Variants in ZCCHC7 observed in about 807,000 individuals in gnomAD.
ZCCHC7 encodes zinc finger CCHC-type containing 7, also known as zinc finger CCHC domain-containing protein 7.
A neutral mutation model predicts 52.0 loss-of-function variants in ZCCHC7; 35 were observed. The observed-to-expected ratio is 0.67, with a 90% confidence interval of 0.51 to 0.89. The LOEUF is 0.89. Among genes scored for constraint, ZCCHC7 ranks in the 40% least tolerant of loss-of-function variants. The pLI is 0.00. For synonymous variants in ZCCHC7, 217 were observed against 221.5 expected (o/e 0.98, Z 0.18); for missense variants, 574 against 649.1 (o/e 0.88, Z 1.26).
At chr9:37,162,629 A>G (rs1489062201) in intron 2 of ZCCHC7, among the ~76,000 whole-genome samples, 3 of 152,240 alleles carry the variant, frequency 2.0e-5, no homozygotes, top group African/African-American at 7.2e-5. Flanking sequence ...TTATTGATGG[A>G]CATTTGAATT....
Position 37,354,092 on chromosome 9 carries a change from G to A in ZCCHC7, c.1084-618G>A, listed in dbSNP as rs1037479819. Among the ~76,000 whole-genome samples the A allele has an allele frequency of 3.9e-5, 6 of 152,184 alleles. No individual in the cohort carries two copies. Among genetic ancestry groups the A allele is most frequent in the East Asian group, 3.9e-4 (2 of 5,186 alleles). ...GAGTAGGGATTTCAACTTGGGTGGCGGAAGCAAGAAGAGAAACTTCTTTTG... is the reference window on the plus strand; with the variant it reads ...GAGTAGGGATTTCAACTTGGGTGGCAGAAGCAAGAAGAGAAACTTCTTTTG... On this transcript the variant is annotated intron_variant, in intron 7 of 8. Coordinates refer to ENST00000336755, the MANE Select transcript of ZCCHC7 (RefSeq NM_032226.3). The surrounding 1 kb of genome is among the most constrained non-coding windows in gnomAD (Gnocchi z 4.0).
At chr9:37,143,484 G>A (rs1403790892) in intron 2 of ZCCHC7, among the ~76,000 whole-genome samples, 2 of 150,910 alleles carry the variant, frequency 1.3e-5, no homozygotes, top group African/African-American at 4.9e-5. Flanking sequence ...TTTATGTCTC[G>A]GTGTTCTAGT....
intron 5 of ZCCHC7, among the ~76,000 whole-genome samples, chr9:37,306,745 G>A (rs1231829074): frequency 8.1e-6 from 1 of 123,042 alleles, no homozygotes; most frequent in African/African-American, 3.0e-5. Context: ...TTACAGGCAT[G>A]AGCCACTGTA....
chr9:37,138,699 ATTT>A (rs538339919), intron 2 of ZCCHC7, among the ~76,000 whole-genome samples: 1 of 134,038 alleles, frequency 7.5e-6, no homozygotes, highest in Admixed American at 7.5e-5. Context: ...ACAGGTTTGT[ATTT>A]TTTTTTTTTT....
rs202086751 is a variant in ZCCHC7, at chr9:37,349,341, A to G, written c.988-16A>G. On this transcript the variant is annotated splice_polypyrimidine_tract_variant and intron_variant, in intron 6 of 8. Transcript: ENST00000336755. Reference sequence around the variant, plus strand: ...CTTCTAACATCAACAAACCCTCACAAATATTCATGTTGCAGACCAAACCTG... The same window carrying G: ...CTTCTAACATCAACAAACCCTCACAGATATTCATGTTGCAGACCAAACCTG... The G allele has an allele frequency of 1.4e-4, 222 of 1,612,824 alleles. 3 individuals carry two copies. In the East Asian group the frequency reaches 3.1e-3, roughly 23 times the overall value.
At chr9:37,271,846 A>G (rs1398641883) in intron 2 of ZCCHC7, among the ~76,000 whole-genome samples, 1 of 152,198 alleles carries the variant, frequency 6.6e-6, no homozygotes, top group Non-Finnish European at 1.5e-5. Flanking sequence ...CTGGGATTAT[A>G]TGCGTGAGTC....
intron 2 of ZCCHC7, among the ~76,000 whole-genome samples, chr9:37,206,956 G>C (rs982972103): frequency 6.6e-6 from 1 of 150,668 alleles, no homozygotes; most frequent in Non-Finnish European, 1.5e-5. Flanking sequence ...TGAAACTGTA[G>C]TCTCTCCAAA....
chr9:37,284,801 T>C (rs1230704419), intron 2 of ZCCHC7, among the ~76,000 whole-genome samples: 1 of 152,222 alleles, frequency 6.6e-6, no homozygotes, highest in Non-Finnish European at 1.5e-5. Context: ...AAACCTTCCC[T>C]GTAGGCCTCA....
intron 2 of ZCCHC7, among the ~76,000 whole-genome samples, chr9:37,256,756 A>G (rs1001959930): frequency 1.6e-4 from 25 of 152,176 alleles, no homozygotes; most frequent in African/African-American, 5.1e-4. Flanking sequence ...TCCAAGAGAG[A>G]CCAATTTTAG....
At chr9:37,276,396 T>C (rs1348004694) in intron 2 of ZCCHC7, among the ~76,000 whole-genome samples, 1 of 152,328 alleles carries the variant, frequency 6.6e-6, no homozygotes, top group East Asian at 1.9e-4. Context: ...TCAAAAGTTA[T>C]CAAATTTGAA....
intron 2 of ZCCHC7, 84 bp downstream of exon 2, chr9:37,127,026 C>T: frequency 6.7e-7 from 1 of 1,489,952 alleles, no homozygotes; most frequent in Non-Finnish European, 9.0e-7. Context: ...CCAATAGGGT[C>T]TACTCCGTTT....
chr9:37,276,883 T>C (rs1211540934), intron 2 of ZCCHC7, among the ~76,000 whole-genome samples: 1 of 152,216 alleles, frequency 6.6e-6, no homozygotes, highest in Non-Finnish European at 1.5e-5. Context: ...CTAACCCTTC[T>C]ACATGCATCA....
At chr9:37,201,993 TAG>T (rs1316348497) in intron 2 of ZCCHC7, among the ~76,000 whole-genome samples, 1 of 152,220 alleles carries the variant, frequency 6.6e-6, no homozygotes, top group Non-Finnish European at 1.5e-5. Flanking sequence ...AGAGTAGAAA[TAG>T]AGCTTCTATT....
At chr9:37,156,777 A>G (rs1447927082) in intron 2 of ZCCHC7, among the ~76,000 whole-genome samples, 1 of 152,174 alleles carries the variant, frequency 6.6e-6, no homozygotes, top group Admixed American at 6.5e-5. Context: ...TGCATTTGTT[A>G]AAATAGTAAT....
intron 2 of ZCCHC7, among the ~76,000 whole-genome samples, chr9:37,166,564 A>ATT (rs945710093): frequency 1.1e-4 from 17 of 151,006 alleles, no homozygotes; most frequent in Middle Eastern, 3.4e-3. Flanking sequence ...AACTTTTTTT[A>ATT]TTTTTAACTT....
intron 2 of ZCCHC7, among the ~76,000 whole-genome samples, chr9:37,185,611 G>C (rs1822611036): frequency 6.6e-6 from 1 of 152,162 alleles, no homozygotes; most frequent in South Asian, 2.1e-4. Flanking sequence ...CTCTTTTCTG[G>C]TGTCTGGTGT....
chr9:37,267,818 C>A (rs1306255059), intron 2 of ZCCHC7, among the ~76,000 whole-genome samples: 1 of 152,054 alleles, frequency 6.6e-6, no homozygotes, highest in East Asian at 1.9e-4. Flanking sequence ...ATCCACCCGC[C>A]TCGGCCTCCC....
chr9:37,338,800 A>G (rs1830800277), intron 6 of ZCCHC7, among the ~76,000 whole-genome samples: 1 of 152,100 alleles, frequency 6.6e-6, no homozygotes, highest in Non-Finnish European at 1.5e-5. Context: ...TTTTAAACAG[A>G]GAAAATATCA....
At position 37,320,991 on chromosome 9, in the gene ZCCHC7, T is replaced by C. The variant is rs912709698; in HGVS notation, c.952-6808T>C. 4.5e-4 allele frequency among the ~76,000 whole-genome samples: 66 copies of C among 145,468 alleles called. 1 individual carries two copies. Among genetic ancestry groups the C allele is most frequent in the Admixed American group, 8.9e-4 (13 of 14,644 alleles). On this transcript the variant is annotated intron_variant, in intron 5 of 8. Coordinates refer to ENST00000336755, the MANE Select transcript of ZCCHC7 (RefSeq NM_032226.3). ...TAATTGGGTTTTTTCTTTTTTCTTT[T>C]TTTTTTTTTTTTTTTGAGATGGAAT...
Sources: gnomAD v4.1 joint callset for allele counts (sites outside exome capture counted in the v4.1 genomes callset) on GRCh38, gnomAD v4.1.1 for gene constraint, Gnocchi (gnomAD v3.1) non-coding constraint, MANE v1.5 for transcripts, NCBI Gene and HGNC (gene_info 2026-07-23, HGNC 2026-07-21) for gene names.